The following SLC36A4 variants were observed in gnomAD, a reference collection of about 807,000 sequenced individuals.
SLC36A4 encodes solute carrier family 36 member 4.
SLC36A4 carries 49 observed loss-of-function variants against 50.5 expected under a neutral mutation model. The observed-to-expected ratio is 0.97, with a 90% CI of 0.77 to 1.23. The LOEUF (loss-of-function observed/expected upper bound fraction) is 1.23, where lower values mean the gene tolerates loss of function less well. SLC36A4 is among the 50% of genes most tolerant of loss of function. The pLI, the probability that SLC36A4 is intolerant of heterozygous loss-of-function variation, is 0.00. For synonymous variants in SLC36A4, 207 were observed against 206.5 expected, an observed-to-expected ratio of 1.00 and a Z score of -0.02; for missense variants, 611 against 608.4, an observed-to-expected ratio of 1.00 and a Z score of -0.05.
intron 6 of SLC36A4, among the ~76,000 whole-genome samples, chr11:93,177,280 C>A (rs543278294): frequency 6.6e-6 from 1 of 152,146 alleles, no homozygotes; most frequent in Non-Finnish European, 1.5e-5. Flanking sequence ...AGTTCCCATG[C>A]CATGGTTTTC....
Position 93,197,494 on chromosome 11 carries a change from G to A in SLC36A4, c.55+284C>T, listed in dbSNP as rs1591000731. The A allele has an allele frequency of 6.6e-5, 33 of 500,412 alleles. No individual in the cohort carries two copies. In the East Asian group the frequency reaches 1.2e-3, roughly 17 times the overall value. 31.0% of individuals were successfully genotyped at this position (500,412 alleles called of 1,614,324 possible). A position where few individuals can be genotyped will look rare whatever the true frequency, so the allele number is the denominator to read the frequency against. On this transcript the variant is annotated intron_variant, in intron 1 of 10. Transcript: ENST00000326402. ...GCGCAGGCTCTTGCGTCTTTGACGT[G>A]TACCCACAGGGCCCCGCCCCACTCA...
chr11:93,161,502 C>A (rs541558438), intron 9 of SLC36A4, among the ~76,000 whole-genome samples: 7 of 152,254 alleles, frequency 4.6e-5, no homozygotes, highest in Admixed American at 2.0e-4. Context: ...GGAAACTATC[C>A]TAGGTCCATT....
chr11:93,176,640 C>G (rs1257452386), intron 6 of SLC36A4, among the ~76,000 whole-genome samples: 4 of 151,758 alleles, frequency 2.6e-5, no homozygotes, highest in Non-Finnish European at 4.4e-5. Context: ...TTAGGGCAGG[C>G]CTGGTAGTGA....
chr11:93,194,863 T>G (rs1026584324), intron 1 of SLC36A4, among the ~76,000 whole-genome samples: 1 of 152,210 alleles, frequency 6.6e-6, no homozygotes, highest in African/African-American at 2.4e-5. Context: ...ACTTGACATG[T>G]GCACTTTGAT....
At chr11:93,150,501 A>G (rs1322643879) in intron 10 of SLC36A4, among the ~76,000 whole-genome samples, 1 of 151,992 alleles carries the variant, frequency 6.6e-6, no homozygotes, top group African/African-American at 2.4e-5. Context: ...TCTGTATTCA[A>G]ATTATTATGA....
At chr11:93,171,906 T>C (rs1310833210) in intron 6 of SLC36A4, 1 of 152,116 alleles carries the variant, frequency 6.6e-6, no homozygotes, top group African/African-American at 2.4e-5. Context: ...AACAAAAGAA[T>C]ATAAACAGGA....
chr11:93,168,753 T>C (rs1046699398), intron 6 of SLC36A4, among the ~76,000 whole-genome samples: 1 of 152,218 alleles, frequency 6.6e-6, no homozygotes, highest in East Asian at 1.9e-4. Flanking sequence ...CATGGCCATA[T>C]GGTAGACAGT....
At chr11:93,177,500 G>T (rs1342680039) in intron 6 of SLC36A4, among the ~76,000 whole-genome samples, 1 of 152,196 alleles carries the variant, frequency 6.6e-6, no homozygotes, top group African/African-American at 2.4e-5. Context: ...TTGCTGGCGA[G>T]GAGCTGCGTT....
At chr11:93,188,757 A>C (rs1348083514) in intron 1 of SLC36A4, among the ~76,000 whole-genome samples, 1 of 152,142 alleles carries the variant, frequency 6.6e-6, no homozygotes, top group Non-Finnish European at 1.5e-5. Context: ...TACAAAATAC[A>C]CTGGTACTCT....
intron 10 of SLC36A4, among the ~76,000 whole-genome samples, chr11:93,150,344 ACTT>A (rs537980751): frequency 1.0e-3 from 153 of 152,006 alleles, no homozygotes; most frequent in African/African-American, 3.3e-3. Context: ...TGGTTTCTCT[ACTT>A]CTTAATTTTC....
chr11:93,175,906 G>C, intron 6 of SLC36A4, among the ~76,000 whole-genome samples: 1 of 115,054 alleles, frequency 8.7e-6, no homozygotes, highest in Non-Finnish European at 1.7e-5. Context: ...GTGTGGTGCT[G>C]AAAAAAATGT....
chr11:93,177,271 G>A (rs367990353), intron 6 of SLC36A4, among the ~76,000 whole-genome samples: 1 of 152,098 alleles, frequency 6.6e-6, no homozygotes, highest in Admixed American at 6.6e-5. Flanking sequence ...GTGTCACGTA[G>A]TTCCCATGCC....
intron 1 of SLC36A4, chr11:93,193,073 A>G (rs993562145): frequency 5.6e-5 from 44 of 791,726 alleles, no homozygotes; most frequent in Non-Finnish European, 6.7e-5. Context: ...TCCTCCATAT[A>G]TTAGAAGCAT....
intron 3 of SLC36A4, among the ~76,000 whole-genome samples, chr11:93,184,087 A>T (rs1861869917): frequency 6.6e-6 from 1 of 152,194 alleles, no homozygotes; most frequent in Non-Finnish European, 1.5e-5. Flanking sequence ...AATCTGCTCT[A>T]TAAATATATT....
chr11:93,195,478 A>T (rs568394844), intron 1 of SLC36A4, among the ~76,000 whole-genome samples: 2 of 152,272 alleles, frequency 1.3e-5, no homozygotes, highest in East Asian at 3.9e-4. Context: ...TACTGCTCTG[A>T]AGGACACCCA....
At chr11:93,178,508 A>G (rs540656074) in intron 6 of SLC36A4, among the ~76,000 whole-genome samples, 6 of 152,190 alleles carry the variant, frequency 3.9e-5, no homozygotes, top group Non-Finnish European at 8.8e-5. Flanking sequence ...CGCTGTTCCT[A>G]TTGGTCATCT....
At chr11:93,185,033 A>G (rs939477430) in intron 2 of SLC36A4, among the ~76,000 whole-genome samples, 4 of 152,168 alleles carry the variant, frequency 2.6e-5, no homozygotes. Flanking sequence ...AACTATATGA[A>G]TCAACAGGTA....
Position 93,178,074 on chromosome 11 carries a change from G to A in SLC36A4, c.540+2723C>T, listed in dbSNP as rs1042642308. ...TACCTACTCAAGCCTCAGCAATGGC[G>A]GACGCCCCTCCACCAGCCTCGCTGC... On this transcript the variant is annotated intron_variant, in intron 6 of 10. Transcript: ENST00000326402. 5.9e-5 allele frequency among the ~76,000 whole-genome samples: 9 copies of A among 152,242 alleles called. No homozygotes were observed. The South Asian group carries it at 6.2e-4, about 11-fold the overall frequency.
At position 93,197,863 on chromosome 11, in the gene SLC36A4, G is replaced by A. The variant is rs777125799; in HGVS notation, c.-31C>T. 7.8e-6 allele frequency: 12 copies of A among 1,529,844 alleles called. No individual in the cohort carries two copies. The East Asian group carries it at 1.5e-4, about 19-fold the overall frequency. The allele number at this position is 1,529,844 out of a possible 1,614,324, so 94.8% of individuals were successfully genotyped here. On this transcript the variant is annotated 5_prime_UTR_variant, in exon 1 of 11. Transcript: ENST00000326402. ...GCGGGTCTCCAGGACGCCGCCGCCC[G>A]AGTGCTCACTCTCCCGCCGCTGCGT... is the stretch of plus-strand genomic sequence containing the variant.
Sources: gnomAD v4.1 joint callset for allele counts (sites outside exome capture counted in the v4.1 genomes callset) on GRCh38, gnomAD v4.1.1 for gene constraint, MANE v1.5 for transcripts, NCBI Gene and HGNC (gene_info 2026-07-23, HGNC 2026-07-21) for gene names.